Variants in LYPD6 observed in about 807,000 individuals in gnomAD.
The protein encoded by LYPD6 is ly6/PLAUR domain-containing protein 6.
A neutral mutation model predicts 22.7 loss-of-function variants in LYPD6; 15 were observed. The observed-to-expected ratio is 0.66, with a 90% CI of 0.44 to 1.02. The LOEUF (loss-of-function observed/expected upper bound fraction) is 1.02. Ranked by LOEUF, LYPD6 falls within the 50% of genes least tolerant of loss-of-function variation. The pLI, the probability that LYPD6 is intolerant of heterozygous loss-of-function variation, is 0.00. For synonymous variants in LYPD6, 72 were observed against 77.5 expected (o/e 0.93, Z 0.37); for missense variants, 189 against 208.4 (o/e 0.91, Z 0.57).
chr2:149,389,475 T>C, intron 1 of LYPD6, among the ~76,000 whole-genome samples: 1 of 152,136 alleles, frequency 6.6e-6, no homozygotes, highest in East Asian at 1.9e-4. Context: ...AGAACCAAAT[T>C]ACAGATATAC....
rs183137765 is a variant in LYPD6 at position 149,388,693 on chromosome 2, T to A, written c.-71-48945T>A. 2.6e-5 allele frequency among the ~76,000 whole-genome samples: 4 copies of A among 152,294 alleles called. No homozygotes were observed. The East Asian group carries it at 7.7e-4, about 29-fold the overall frequency. The stretch of plus-strand genomic sequence containing the variant: ...ATTCTTGTTTCAAGGCCTGGCTTCT[T>A]TTTTACAAGATGATTAGCTACATTT... On this transcript the variant is annotated intron_variant, in intron 1 of 4. Coordinates refer to ENST00000334166, the MANE Select transcript of LYPD6 (RefSeq NM_194317.5).
chr2:149,380,949 C>T (rs1405948242), intron 1 of LYPD6, among the ~76,000 whole-genome samples: 1 of 152,112 alleles, frequency 6.6e-6, no homozygotes, highest in Non-Finnish European at 1.5e-5. Context: ...CAGAAGCCAA[C>T]TGAAGAAGAG....
intron 1 of LYPD6, among the ~76,000 whole-genome samples, chr2:149,353,767 C>T (rs1440583583): frequency 7.3e-5 from 11 of 150,664 alleles, no homozygotes; most frequent in Admixed American, 2.0e-4. Flanking sequence ...TAAATGTGCT[C>T]ATTAAAAAAA....
chr2:149,344,052 G>C (rs1401232787), intron 1 of LYPD6, among the ~76,000 whole-genome samples: 8 of 152,172 alleles, frequency 5.3e-5, no homozygotes, highest in African/African-American at 1.9e-4. Flanking sequence ...CATTTTGAGG[G>C]TTCATCTTGA....
intron 1 of LYPD6, among the ~76,000 whole-genome samples, chr2:149,415,726 G>A (rs1205913383): frequency 1.3e-5 from 2 of 152,106 alleles, no homozygotes; most frequent in East Asian, 3.9e-4. Flanking sequence ...GGGTGCAGTG[G>A]CATGATCACG....
At chr2:149,423,016 G>A (rs1683113526) in intron 1 of LYPD6, among the ~76,000 whole-genome samples, 1 of 151,948 alleles carries the variant, frequency 6.6e-6, no homozygotes, top group Non-Finnish European at 1.5e-5. Context: ...TTTGATTATT[G>A]GAATGAACAT....
downstream of LYPD6, among the ~76,000 whole-genome samples, chr2:149,477,622 C>CAAAAAAAAAA (rs35507967): frequency 1.6e-5 from 1 of 62,912 alleles, no homozygotes; most frequent in Non-Finnish European, 2.7e-5. Context: ...AACTGTGTCT[C>CAAAAAAAAAA]AAAAAAAAAA....
chr2:149,358,337 A>G (rs1341147794), intron 1 of LYPD6, among the ~76,000 whole-genome samples: 4 of 152,210 alleles, frequency 2.6e-5, no homozygotes. Flanking sequence ...GACAAGTAAC[A>G]AGTCTTTAAT....
chr2:149,373,983 G>T (rs894442255), intron 1 of LYPD6, among the ~76,000 whole-genome samples: 23 of 152,068 alleles, frequency 1.5e-4, no homozygotes, highest in South Asian at 2.1e-4. Context: ...TCATTTTATG[G>T]TCCATTCCTG....
At chr2:149,346,234 C>A (rs749791010) in intron 1 of LYPD6, among the ~76,000 whole-genome samples, 5 of 150,906 alleles carry the variant, frequency 3.3e-5, no homozygotes, top group African/African-American at 1.2e-4. Flanking sequence ...GATGTTAATT[C>A]GTATTTAATG....
chr2:149,396,381 G>A (rs936220954), intron 1 of LYPD6, among the ~76,000 whole-genome samples: 6 of 151,698 alleles, frequency 4.0e-5, no homozygotes, highest in Admixed American at 1.3e-4. Flanking sequence ...TTCCCCTTCT[G>A]CCTGCAGCCC....
chr2:149,381,085 G>A (rs1341108976), intron 1 of LYPD6, among the ~76,000 whole-genome samples: 2 of 152,204 alleles, frequency 1.3e-5, no homozygotes, highest in Non-Finnish European at 2.9e-5. Context: ...GGGTGGTGTG[G>A]TGGGGCAGAT....
chr2:149,469,897 T>C (rs992916161), intron 4 of LYPD6, among the ~76,000 whole-genome samples: 3 of 152,158 alleles, frequency 2.0e-5, no homozygotes, highest in African/African-American at 7.2e-5. Flanking sequence ...AAGACTCAAA[T>C]CCCTGCAGGA....
chr2:149,406,764 A>G (rs1254886228), intron 1 of LYPD6, among the ~76,000 whole-genome samples: 5 of 151,838 alleles, frequency 3.3e-5, no homozygotes, highest in East Asian at 1.9e-4. Context: ...TGTGAATTTG[A>G]TCCTGTCATT....
intron 1 of LYPD6, 77 bp from the exon 2 acceptor site, chr2:149,437,561 C>T: frequency 7.9e-7 from 1 of 1,272,144 alleles, no homozygotes; most frequent in Non-Finnish European, 1.1e-6. Context: ...TCCCATCTTA[C>T]CAGCATGGGA....
intron 3 of LYPD6, among the ~76,000 whole-genome samples, chr2:149,456,555 G>A (rs1156632591): frequency 6.6e-6 from 1 of 152,142 alleles, no homozygotes; most frequent in Admixed American, 6.5e-5. Context: ...ATAGTTTTTA[G>A]AGAGGTAATT....
chr2:149,397,316 C>A (rs1374564265), intron 1 of LYPD6, among the ~76,000 whole-genome samples: 3 of 152,096 alleles, frequency 2.0e-5, no homozygotes, highest in Non-Finnish European at 2.9e-5. Flanking sequence ...TCCCAGATGG[C>A]TTTTTTATTT....
chr2:149,346,867 A>T (rs1013681626), intron 1 of LYPD6, among the ~76,000 whole-genome samples: 2 of 151,996 alleles, frequency 1.3e-5, no homozygotes, highest in African/African-American at 4.8e-5. Flanking sequence ...CGCCCAGCTA[A>T]TTTTTGTATT....
At chr2:149,373,060 G>A (rs1681845182) in intron 1 of LYPD6, among the ~76,000 whole-genome samples, 1 of 152,146 alleles carries the variant, frequency 6.6e-6, no homozygotes, top group African/African-American at 2.4e-5. Context: ...GACTAAGTGA[G>A]AGCAGTGGCC....
Sources: gnomAD v4.1 joint callset for allele counts (sites outside exome capture counted in the v4.1 genomes callset) on GRCh38, gnomAD v4.1.1 for gene constraint, MANE v1.5 for transcripts, NCBI Gene and HGNC (gene_info 2026-07-23, HGNC 2026-07-21) for gene names.